Variants in RAI14 observed in about 807,000 individuals in gnomAD.
RAI14 encodes ankycorbin.
In RAI14, 45 loss-of-function variants were observed where a neutral mutation model predicts 115.4. The ratio of observed to expected loss-of-function variants is 0.39; its 90% CI spans 0.31 to 0.50. The LOEUF is 0.50. Among genes scored for constraint, RAI14 ranks in the 20% least tolerant of loss-of-function variants. The pLI is 0.85. For missense variants in RAI14, 939 were observed against 1,131.2 expected, an observed-to-expected ratio of 0.83 and a Z score of 2.44; for synonymous variants, 371 against 415.4, an observed-to-expected ratio of 0.89 and a Z score of 1.30.
intron 3 of RAI14, among the ~76,000 whole-genome samples, chr5:34,786,366 T>C (rs1284320548): frequency 6.6e-6 from 1 of 152,108 alleles, no homozygotes; most frequent in East Asian, 1.9e-4. Flanking sequence ...TTGCCCAGTG[T>C]CCTCTGGAAA....
chr5:34,747,307 G>A (rs1422819291), intron 2 of RAI14, among the ~76,000 whole-genome samples: 1 of 152,210 alleles, frequency 6.6e-6, no homozygotes, highest in Non-Finnish European at 1.5e-5. Flanking sequence ...TTGTAATATA[G>A]TACAGCTCCT....
chr5:34,720,633 A>G (rs1308872043), intron 2 of RAI14, among the ~76,000 whole-genome samples: 1 of 151,738 alleles, frequency 6.6e-6, no homozygotes, highest in Non-Finnish European at 1.5e-5. Context: ...GGTGGTCTCG[A>G]TCTCCTGACT....
intron 3 of RAI14, among the ~76,000 whole-genome samples, chr5:34,779,094 A>G (rs1293687838): frequency 1.3e-5 from 2 of 152,226 alleles, no homozygotes; most frequent in African/African-American, 4.8e-5. Context: ...AATGTAATCC[A>G]TCATATAAAC....
chr5:34,799,211 A>G (rs930197286), intron 4 of RAI14, among the ~76,000 whole-genome samples: 2 of 152,196 alleles, frequency 1.3e-5, no homozygotes, highest in Non-Finnish European at 2.9e-5. Context: ...CTCCCTCTCA[A>G]GAAAGCATAT....
chr5:34,737,477 G>A (rs556197675), intron 2 of RAI14, among the ~76,000 whole-genome samples: 17 of 152,230 alleles, frequency 1.1e-4, no homozygotes, highest in Admixed American at 5.2e-4. Flanking sequence ...TTCTTTAGAT[G>A]TCTTGGCACG....
Position 34,732,439 on chromosome 5 carries a change from ATTTTTTTT to A in RAI14, c.37-25017_37-25010del, listed in dbSNP as rs369302342. Among the ~76,000 whole-genome samples, 9 of 133,906 alleles carry A rather than the reference ATTTTTTTT, an allele frequency of 6.7e-5. No homozygotes were observed. In the South Asian group the frequency reaches 2.1e-3, roughly 32 times the overall value. 87.8% of individuals were successfully genotyped at this position (133,906 alleles called of 152,430 possible). On this transcript the variant is annotated intron_variant, in intron 2 of 17. Coordinates refer to ENST00000265109, the MANE Select transcript of RAI14 (RefSeq NM_015577.3). ...TCTTGCAAAATATTTACCATGCTTG[ATTTTTTTT>A]TTTTTTTTTTTGACAGAGTCTTGCT... is the stretch of plus-strand genomic sequence containing the variant.
chr5:34,657,473 G>A (rs940440331), intron 1 of RAI14, among the ~76,000 whole-genome samples: 3 of 152,188 alleles, frequency 2.0e-5, no homozygotes, highest in Non-Finnish European at 4.4e-5. Context: ...GCCTGAGCAT[G>A]GCTGTCTTTC....
intron 2 of RAI14, among the ~76,000 whole-genome samples, chr5:34,702,103 C>G (rs1740146618): frequency 6.6e-6 from 1 of 152,188 alleles, no homozygotes; most frequent in Non-Finnish European, 1.5e-5. Flanking sequence ...CCTGAACCAC[C>G]ACGCCCGCCC....
chr5:34,800,112 G>A (rs975331439), intron 4 of RAI14, among the ~76,000 whole-genome samples: 4 of 152,122 alleles, frequency 2.6e-5, no homozygotes, highest in Non-Finnish European at 5.9e-5. Context: ...TGATTATAGT[G>A]CAATATCAAC....
intron 2 of RAI14, among the ~76,000 whole-genome samples, chr5:34,741,796 A>G (rs942878456): frequency 3.3e-5 from 5 of 152,192 alleles, no homozygotes; most frequent in African/African-American, 7.2e-5. Context: ...GTACATCACT[A>G]TGAGGGAAGT....
chr5:34,799,530 ACACACACAC>A (rs879413545), intron 4 of RAI14, among the ~76,000 whole-genome samples: 6,240 of 87,462 alleles, frequency 0.071, 168 homozygotes, highest in East Asian at 0.14. Flanking sequence ...ACACACACAC[ACACACACAC>A]AAAACCACCT....
chr5:34,678,360 T>C (rs1156917647), intron 1 of RAI14, among the ~76,000 whole-genome samples: 1 of 152,204 alleles, frequency 6.6e-6, no homozygotes, highest in African/African-American at 2.4e-5. Context: ...TTTCTGGGAA[T>C]GTTACGGACT....
intron 1 of RAI14, among the ~76,000 whole-genome samples, chr5:34,661,911 A>G (rs458010): frequency 0.49 from 74,201 of 151,936 alleles, 18,824 homozygotes; most frequent in South Asian, 0.69. Flanking sequence ...TCAGCTTCTC[A>G]AATAGTTGTG....
intron 13 of RAI14, among the ~76,000 whole-genome samples, chr5:34,820,816 G>A (rs2150290592): frequency 6.6e-6 from 1 of 152,316 alleles, no homozygotes; most frequent in African/African-American, 2.4e-5. Flanking sequence ...ATGATAATCA[G>A]TAGGATGTCC....
intron 15 of RAI14, 82 bp downstream of exon 15, chr5:34,824,573 G>C: frequency 8.6e-7 from 1 of 1,159,682 alleles, no homozygotes; most frequent in South Asian, 1.8e-5. Context: ...TATTTCTAGT[G>C]TTGGCACTAA....
intron 3 of RAI14, among the ~76,000 whole-genome samples, chr5:34,767,935 G>T (rs569373048): frequency 1.4e-4 from 21 of 149,670 alleles, no homozygotes; most frequent in Non-Finnish European, 2.4e-4. Context: ...GAAATGTAGG[G>T]CTGGGACCCC....
chr5:34,831,848 C>T lies in RAI14; in HGVS notation c.*1083C>T, dbSNP rs1347119749. 3.3e-5 allele frequency: 5 copies of T among 152,194 alleles called. No homozygotes were observed. In the East Asian group the frequency reaches 7.7e-4, roughly 24 times the overall value. The allele number at this position is 152,194 out of a possible 1,614,324, so 9.4% of individuals were successfully genotyped here. A position where few individuals can be genotyped will look rare whatever the true frequency, so the allele number is the denominator to read the frequency against. ...AGCCATGGTGTCTTCAGAATTGTAG[C>T]GCATTTCTGAATCTAGCAAATCCTC... On this transcript the variant is annotated 3_prime_UTR_variant, in exon 18 of 18. Coordinates refer to ENST00000265109, the MANE Select transcript of RAI14 (RefSeq NM_015577.3).
At chr5:34,768,536 C>T (rs1218086998) in intron 3 of RAI14, among the ~76,000 whole-genome samples, 1 of 152,132 alleles carries the variant, frequency 6.6e-6, no homozygotes, top group Non-Finnish European at 1.5e-5. Context: ...GAAATTAGTA[C>T]AAATCGCCTG....
intron 13 of RAI14, among the ~76,000 whole-genome samples, chr5:34,821,188 G>C (rs1042889028): frequency 6.6e-6 from 1 of 152,194 alleles, no homozygotes; most frequent in East Asian, 1.9e-4. Flanking sequence ...ACTTGACCCA[G>C]AGGAATGACC....
Sources: allele counts gnomAD v4.1 joint callset (sites outside exome capture counted in the v4.1 genomes callset), GRCh38; gene constraint gnomAD v4.1.1; transcripts MANE v1.5; gene names NCBI Gene and HGNC (gene_info 2026-07-23, HGNC 2026-07-21).